The following PCDH15 variants were observed in gnomAD, a reference collection of about 807,000 sequenced individuals.
PCDH15 encodes protocadherin-15.
In PCDH15, 129 loss-of-function variants were observed where a neutral mutation model predicts 178.5. The observed-to-expected ratio is 0.72, with a 90% confidence interval of 0.63 to 0.84. The LOEUF (loss-of-function observed/expected upper bound fraction) is 0.84. Ranked by LOEUF, PCDH15 falls within the 40% of genes least tolerant of loss-of-function variation. The probability of loss-of-function intolerance (pLI) is 0.00; values close to 1 mark genes in which losing one functional copy is unlikely to be tolerated. For missense variants in PCDH15, 2,230 were observed against 2,099.9 expected, an observed-to-expected ratio of 1.06 and a Z score of -1.21; for synonymous variants, 800 against 732.0, an observed-to-expected ratio of 1.09 and a Z score of -1.50.
chr10:54,087,465 A>G (rs2094533006), intron 16 of PCDH15, among the ~76,000 whole-genome samples: 1 of 152,196 alleles, frequency 6.6e-6, no homozygotes, highest in Non-Finnish European at 1.5e-5. Context: ...TACATGTTGT[A>G]GCATGTTTCA....
intron 1 of PCDH15, among the ~76,000 whole-genome samples, chr10:55,206,408 A>G (rs770422915): frequency 6.6e-6 from 1 of 152,140 alleles, no homozygotes; most frequent in Non-Finnish European, 1.5e-5. Flanking sequence ...TGCACTCCAC[A>G]GACACTGATG....
intron 1 of PCDH15, among the ~76,000 whole-genome samples, chr10:55,261,821 G>A (rs1041979832): frequency 1.9e-4 from 29 of 152,130 alleles, no homozygotes; most frequent in African/African-American, 6.5e-4. Context: ...TGTGTCTTAC[G>A]TCATTCACTA....
chr10:53,851,578 C>A (rs1386922873), intron 28 of PCDH15, among the ~76,000 whole-genome samples: 1 of 149,644 alleles, frequency 6.7e-6, no homozygotes, highest in East Asian at 2.0e-4. Flanking sequence ...CCCCTTAAAA[C>A]CAAGTTTTTA....
chr10:54,026,289 T>C (rs2093089277), intron 18 of PCDH15, among the ~76,000 whole-genome samples: 1 of 152,010 alleles, frequency 6.6e-6, no homozygotes, highest in Non-Finnish European at 1.5e-5. Context: ...AGGTCAGTTT[T>C]GAACTTCTGG....
rs150047228 is a variant in PCDH15, at chr10:54,721,334, G to A, written c.-28-57044C>T. ...TTGCACCTCAAGCAACTAGAAAAAG[G>A]ACAAACCAGACCCAAATCTAGCAGA... On this transcript the variant is annotated intron_variant, in intron 1 of 37. Coordinates refer to ENST00000644397, the MANE Select transcript of PCDH15 (RefSeq NM_001384140.1). Among the ~76,000 whole-genome samples, 1,321 of 151,604 alleles carry A rather than the reference G, an allele frequency of 8.7e-3. 15 individuals are homozygous for A. Among genetic ancestry groups the A allele is most frequent in the African/African-American group, 0.03 (1,223 of 41,430 alleles).
chr10:53,831,768 G>T (rs1455145933), intron 29 of PCDH15, among the ~76,000 whole-genome samples: 1 of 152,102 alleles, frequency 6.6e-6, no homozygotes, highest in South Asian at 2.1e-4. Flanking sequence ...CTCTTGATCT[G>T]CTTATAGACT....
At chr10:55,048,790 T>G (rs945295482) in intron 2 of PCDH15, among the ~76,000 whole-genome samples, 4 of 151,986 alleles carry the variant, frequency 2.6e-5, no homozygotes, top group Non-Finnish European at 5.9e-5. Context: ...ATTTGTATTA[T>G]TTCAGTTTTT....
Position 53,995,639 on chromosome 10 carries a change from T to G in PCDH15, c.2868+10A>C, listed in dbSNP as rs1589821675. ...ACAGTTCAGAATATTAATCAATGCC[T>G]TCTACTTACAGGAGGGTCTGCATCT... On this transcript the variant is annotated intron_variant, in intron 21 of 37. Coordinates refer to ENST00000644397, the MANE Select transcript of PCDH15 (RefSeq NM_001384140.1). The G allele has an allele frequency of 6.2e-7, 1 of 1,613,872 alleles. No homozygotes were observed. The highest frequency in any genetic ancestry group is 1.7e-5 in the Admixed American group (1 of 60,020).
At chr10:54,568,290 C>T (rs963504980) in intron 2 of PCDH15, among the ~76,000 whole-genome samples, 5 of 151,950 alleles carry the variant, frequency 3.3e-5, no homozygotes, top group African/African-American at 1.2e-4. Flanking sequence ...TCTACTCATG[C>T]ACTGCATCAC....
chr10:54,156,810 G>A (rs1030303106), intron 13 of PCDH15, among the ~76,000 whole-genome samples: 1 of 152,190 alleles, frequency 6.6e-6, no homozygotes, highest in African/African-American at 2.4e-5. Context: ...ATACAATGGA[G>A]ATACAGGCAT....
intron 2 of PCDH15, among the ~76,000 whole-genome samples, chr10:54,624,743 C>T (rs560290205): frequency 2.3e-3 from 349 of 152,192 alleles, no homozygotes; most frequent in African/African-American, 8.0e-3. Context: ...GTCAGATAAG[C>T]CACAGTATTA....
At chr10:54,000,378 T>C (rs2446600) in intron 20 of PCDH15, among the ~76,000 whole-genome samples, 114,065 of 151,932 alleles carry the variant, frequency 0.75, 43,442 homozygotes, top group African/African-American at 0.88. Context: ...GAGAGAGTGA[T>C]CTTTCAGACA....
At chr10:54,846,193 T>C (rs1953507303) in intron 3 of PCDH15, among the ~76,000 whole-genome samples, 1 of 152,138 alleles carries the variant, frequency 6.6e-6, no homozygotes, top group South Asian at 2.1e-4. Flanking sequence ...TATTGGAAAA[T>C]AATGTTTCAA....
intron 3 of PCDH15, among the ~76,000 whole-genome samples, chr10:54,384,879 C>T (rs965047344): frequency 3.3e-5 from 5 of 152,078 alleles, no homozygotes; most frequent in African/African-American, 1.2e-4. Context: ...AAAAGACAAC[C>T]CACATATTCA....
At chr10:54,989,985 C>G (rs926358313) in intron 2 of PCDH15, among the ~76,000 whole-genome samples, 3 of 152,178 alleles carry the variant, frequency 2.0e-5, no homozygotes, top group Non-Finnish European at 4.4e-5. Context: ...TTCCCCTGCA[C>G]AAGCTCTCTT....
intron 2 of PCDH15, among the ~76,000 whole-genome samples, chr10:55,042,860 C>A (rs761813443): frequency 5.3e-5 from 8 of 151,990 alleles, no homozygotes; most frequent in Non-Finnish European, 1.2e-4. Context: ...ACATTTTGAT[C>A]TTTTAAGACT....
chr10:54,495,937 A>G (rs960559971), intron 3 of PCDH15, among the ~76,000 whole-genome samples: 2 of 152,158 alleles, frequency 1.3e-5, no homozygotes, highest in African/African-American at 4.8e-5. Context: ...CTTTAAAATC[A>G]TTTCAGAAAT....
intron 2 of PCDH15, among the ~76,000 whole-genome samples, chr10:55,480,399 T>A (rs1840154456): frequency 6.6e-6 from 1 of 151,744 alleles, no homozygotes; most frequent in South Asian, 2.1e-4. Flanking sequence ...GGCATCTTTT[T>A]GTTGAGCCAG....
intron 2 of PCDH15, among the ~76,000 whole-genome samples, chr10:55,548,833 G>C (rs147193576): frequency 8.5e-4 from 130 of 152,116 alleles, no homozygotes; most frequent in African/African-American, 3.0e-3. Flanking sequence ...AGGAAGTAAG[G>C]GTTGAAGAAT....
Sources: gnomAD v4.1 joint callset for allele counts (sites outside exome capture counted in the v4.1 genomes callset) on GRCh38, gnomAD v4.1.1 for gene constraint, MANE v1.5 for transcripts, NCBI Gene and HGNC (gene_info 2026-07-23, HGNC 2026-07-21) for gene names.